Variants in TENM3 observed in about 807,000 individuals in gnomAD.
TENM3 encodes teneurin-3.
TENM3 carries 63 observed loss-of-function variants against 255.1 expected under a neutral mutation model. That is an observed-to-expected ratio of 0.25 (90% CI 0.20 to 0.30). The LOEUF (loss-of-function observed/expected upper bound fraction) is 0.30, where lower values mean the gene tolerates loss of function less well. TENM3 is among the 10% of genes least tolerant of loss of function. TENM3 has a pLI of 1.00. For synonymous variants in TENM3, 1,306 were observed against 1,322.3 expected (o/e 0.99, Z 0.27); for missense variants, 2,929 against 3,461.1 (o/e 0.85, Z 3.86).
At chr4:181,818,069 G>T in the TENM3 span, among the ~76,000 whole-genome samples, 24 of 152,154 alleles carry the variant, frequency 1.6e-4, no homozygotes, top group East Asian at 3.5e-3. Flanking sequence ...GACTTACTAG[G>T]GGACCCACAT....
intron 1 of TENM3, among the ~76,000 whole-genome samples, chr4:182,299,614 C>T (rs1478345294): frequency 6.6e-6 from 1 of 152,148 alleles, no homozygotes; most frequent in East Asian, 1.9e-4. Context: ...AATTACAGAT[C>T]TTAGAGTTAG....
intron 1 of TENM3, among the ~76,000 whole-genome samples, chr4:182,205,910 A>G (rs992073674): frequency 4.6e-5 from 7 of 152,180 alleles, no homozygotes; most frequent in African/African-American, 1.7e-4. Context: ...GACAATTAAT[A>G]TAGTGAGAAG....
the TENM3 span, among the ~76,000 whole-genome samples, chr4:181,844,250 C>T: frequency 2.0e-5 from 3 of 152,154 alleles, no homozygotes; most frequent in Admixed American, 6.5e-5. Flanking sequence ...AAGTTTTCAG[C>T]GTATGAACTT....
chr4:181,729,164 GTGATTCA>G, the TENM3 span, among the ~76,000 whole-genome samples: 1 of 152,172 alleles, frequency 6.6e-6, no homozygotes, highest in Non-Finnish European at 1.5e-5. Flanking sequence ...ATAATTCTGT[GTGATTCA>G]TTTTGCATTT....
chr4:182,772,142 A>G (rs539919601), intron 22 of TENM3, among the ~76,000 whole-genome samples: 10 of 152,204 alleles, frequency 6.6e-5, no homozygotes, highest in Non-Finnish European at 1.3e-4. Context: ...TATCACCTAG[A>G]ATCTTCTCCT....
At chr4:182,365,645 G>T (rs544648437) in intron 3 of TENM3, among the ~76,000 whole-genome samples, 6 of 152,144 alleles carry the variant, frequency 3.9e-5, no homozygotes, top group African/African-American at 1.4e-4. Flanking sequence ...TAAAGCAGGC[G>T]ATAAATAGCA....
chr4:182,079,598 G>C, the TENM3 span: 3 of 152,212 alleles, frequency 2.0e-5, no homozygotes, highest in Admixed American at 2.0e-4. Context: ...ATGTTTCAGA[G>C]AGATGTTTAG....
At chr4:181,564,474 G>A in the TENM3 span, among the ~76,000 whole-genome samples, 1 of 152,196 alleles carries the variant, frequency 6.6e-6, no homozygotes, top group South Asian at 2.1e-4. Flanking sequence ...TCCAACTCAG[G>A]ACCTAAGCTC....
At chr4:182,085,176 T>C in the TENM3 span, 2 of 152,202 alleles carry the variant, frequency 1.3e-5, no homozygotes, top group African/African-American at 2.4e-5. Flanking sequence ...TTAGGTTACC[T>C]ACATGACAAA....
At chr4:181,470,108 T>TTAAA in the TENM3 span, among the ~76,000 whole-genome samples, 4 of 112,744 alleles carry the variant, frequency 3.5e-5, no homozygotes, top group Non-Finnish European at 5.6e-5. Context: ...ATAGCTTCTG[T>TTAAA]AAAAAAAAAA....
the TENM3 span, among the ~76,000 whole-genome samples, chr4:181,589,814 G>A: frequency 2.0e-5 from 3 of 152,160 alleles, no homozygotes; most frequent in Admixed American, 6.6e-5. Context: ...AATAAAGACC[G>A]TACGTGATTC....
intron 1 of TENM3, among the ~76,000 whole-genome samples, chr4:182,212,908 T>C (rs1430003094): frequency 6.6e-6 from 1 of 152,234 alleles, no homozygotes; most frequent in African/African-American, 2.4e-5. Flanking sequence ...CAATTTCTTT[T>C]TTCTTTACTC....
chr4:181,694,833 T>C, the TENM3 span, among the ~76,000 whole-genome samples: 2 of 152,200 alleles, frequency 1.3e-5, no homozygotes. Flanking sequence ...CACTGGCTGT[T>C]TTGTGATTTA....
intron 12 of TENM3, among the ~76,000 whole-genome samples, chr4:182,701,563 A>G (rs1455158730): frequency 6.6e-6 from 1 of 152,118 alleles, no homozygotes; most frequent in African/African-American, 2.4e-5. Flanking sequence ...GTGATTATGT[A>G]TGTGAGTAAT....
At chr4:181,873,851 C>T in the TENM3 span, among the ~76,000 whole-genome samples, 1 of 151,992 alleles carries the variant, frequency 6.6e-6, no homozygotes, top group African/African-American at 2.4e-5. Context: ...GTGGCATGAT[C>T]TTGGCTCACT....
the TENM3 span, among the ~76,000 whole-genome samples, chr4:181,705,468 C>A: frequency 6.6e-6 from 1 of 152,182 alleles, no homozygotes; most frequent in East Asian, 1.9e-4. Context: ...CTTGCTGCTG[C>A]CTAACCATCA....
chr4:182,261,489 GT>G (rs1216971314), intron 1 of TENM3, among the ~76,000 whole-genome samples: 1 of 152,138 alleles, frequency 6.6e-6, no homozygotes, highest in Admixed American at 6.5e-5. Flanking sequence ...GTCCCTCAGT[GT>G]TTTGTCATAC....
chr4:182,735,559 C>T (rs1020015026), intron 16 of TENM3, among the ~76,000 whole-genome samples: 3 of 152,152 alleles, frequency 2.0e-5, no homozygotes, highest in Non-Finnish European at 4.4e-5. Flanking sequence ...ATTCTAAGAT[C>T]TTTCCAACAT....
At chr4:182,040,583 A>G in the TENM3 span, among the ~76,000 whole-genome samples, 107 of 152,242 alleles carry the variant, frequency 7.0e-4, 1 homozygote, top group African/African-American at 2.4e-3. Context: ...TCACCTACTT[A>G]TAACACCCAA....
Sources: gnomAD v4.1 joint callset for allele counts (sites outside exome capture counted in the v4.1 genomes callset) on GRCh38, gnomAD v4.1.1 for gene constraint, MANE v1.5 for transcripts, NCBI Gene and HGNC (gene_info 2026-07-23, HGNC 2026-07-21) for gene names.